HDAC4: variants seen among roughly 807,000 people sequenced by gnomAD.
HDAC4 encodes the protein histone deacetylase A.
HDAC4 carries 16 observed loss-of-function variants against 135.1 expected under a neutral mutation model. That is an observed-to-expected ratio of 0.12 (90% CI 0.08 to 0.18). HDAC4 has a LOEUF of 0.18. Ranked by LOEUF, HDAC4 falls within the 10% of genes least tolerant of loss-of-function variation. The pLI, the probability that HDAC4 is intolerant of heterozygous loss-of-function variation, is 1.00. For synonymous variants in HDAC4, 685 were observed against 653.4 expected, an observed-to-expected ratio of 1.05 and a Z score of -0.74; for missense variants, 1,143 against 1,511.8, an observed-to-expected ratio of 0.76 and a Z score of 4.05.
At chr2:239,186,437 T>C (rs577844358) in intron 4 of HDAC4, 2 of 152,362 alleles carry the variant, frequency 1.3e-5, no homozygotes, top group South Asian at 2.1e-4. Flanking sequence ...CCTAATGTAA[T>C]GAAACCACTA....
intron 3 of HDAC4, among the ~76,000 whole-genome samples, chr2:239,211,083 C>T (rs972141211): frequency 2.0e-5 from 3 of 152,016 alleles, no homozygotes; most frequent in African/African-American, 7.3e-5. Flanking sequence ...CGTTACAATA[C>T]CTGCAGATCA....
intron 6 of HDAC4, among the ~76,000 whole-genome samples, chr2:239,163,377 G>A (rs918637798): frequency 2.0e-5 from 3 of 152,202 alleles, no homozygotes; most frequent in Admixed American, 6.5e-5. Flanking sequence ...AGCCTCCGGA[G>A]CACTGCTCGG....
At chr2:239,332,702 C>A (rs1446849726) in intron 2 of HDAC4, among the ~76,000 whole-genome samples, 1 of 150,690 alleles carries the variant, frequency 6.6e-6, no homozygotes, top group African/African-American at 2.4e-5. Context: ...CAAATTAAAT[C>A]CCAAAAACAA....
At chr2:239,110,626 G>A (rs1353741343) in intron 14 of HDAC4, among the ~76,000 whole-genome samples, 2 of 152,252 alleles carry the variant, frequency 1.3e-5, no homozygotes, top group Non-Finnish European at 2.9e-5. Context: ...GAACCTCGCA[G>A]ACTGCAGAAC....
intron 19 of HDAC4, 40 bp from the exon 20 acceptor site, chr2:239,084,282 G>C (rs1438696788): frequency 1.4e-6 from 2 of 1,477,864 alleles, no homozygotes; most frequent in Non-Finnish European, 1.9e-6. Flanking sequence ...AGCGCAGGTG[G>C]GCGGTGGCCA....
intron 2 of HDAC4, chr2:239,351,863 T>C (rs997693315): frequency 6.5e-6 from 1 of 154,038 alleles, no homozygotes; most frequent in Non-Finnish European, 1.5e-5. Context: ...CAGAAGTCGA[T>C]GGCTAAGTGC....
intron 1 of HDAC4, among the ~76,000 whole-genome samples, chr2:239,367,666 A>G (rs13385810): frequency 0.08 from 12,189 of 152,232 alleles, 1,128 homozygotes; most frequent in African/African-American, 0.22. Flanking sequence ...TTACCTTCAC[A>G]TTATATGTAT....
chr2:239,261,923 C>T (rs924009680), intron 2 of HDAC4, among the ~76,000 whole-genome samples: 3 of 152,214 alleles, frequency 2.0e-5, no homozygotes, highest in Admixed American at 6.5e-5. Flanking sequence ...AAGCCTATGT[C>T]GGAGGGTCCT....
intron 1 of HDAC4, among the ~76,000 whole-genome samples, chr2:239,370,750 G>A (rs1317579377): frequency 1.3e-5 from 2 of 152,220 alleles, no homozygotes; most frequent in African/African-American, 2.4e-5. Flanking sequence ...AGCTGGTTGA[G>A]CACCCACTGG....
intron 4 of HDAC4, among the ~76,000 whole-genome samples, chr2:239,179,838 A>G (rs2044027775): frequency 6.6e-6 from 1 of 152,272 alleles, no homozygotes; most frequent in Admixed American, 6.5e-5. Flanking sequence ...AGGCGGCACA[A>G]GCCTTCTGCT....
intron 2 of HDAC4, among the ~76,000 whole-genome samples, chr2:239,271,329 T>C (rs921092741): frequency 6.6e-6 from 1 of 152,238 alleles, no homozygotes; most frequent in Non-Finnish European, 1.5e-5. Flanking sequence ...TTTTGCCATG[T>C]TGCCCAGACT....
intron 7 of HDAC4, among the ~76,000 whole-genome samples, chr2:239,151,116 AAC>A (rs1424917093): frequency 6.6e-6 from 1 of 152,252 alleles, no homozygotes; most frequent in African/African-American, 2.4e-5. Flanking sequence ...GAGGGTGGAA[AAC>A]ACACTCTGTC....
chr2:239,227,299 G>A (rs985874570), intron 3 of HDAC4, among the ~76,000 whole-genome samples: 4 of 152,144 alleles, frequency 2.6e-5, no homozygotes, highest in Admixed American at 6.5e-5. Context: ...TGAAAACTGC[G>A]GACCAGTGGA....
At chr2:239,171,638 C>T (rs888969867) in intron 5 of HDAC4, among the ~76,000 whole-genome samples, 2 of 152,086 alleles carry the variant, frequency 1.3e-5, no homozygotes, top group African/African-American at 2.4e-5. Context: ...CAGTATAAAA[C>T]AACAGATTTA....
chr2:239,076,651 G>A (rs531964127), intron 22 of HDAC4, among the ~76,000 whole-genome samples: 7 of 152,250 alleles, frequency 4.6e-5, no homozygotes, highest in Middle Eastern at 3.4e-3. Context: ...GGGCTGGCAC[G>A]CCATGCTTGA....
rs962656190 is a variant in HDAC4 at position 239,167,960 on chromosome 2, G to C, written c.491-4037C>G. Among the ~76,000 whole-genome samples the C allele has an allele frequency of 6.6e-6, 1 of 151,844 alleles. No individual in the cohort carries two copies. Among genetic ancestry groups the C allele is most frequent in the Non-Finnish European group, 1.5e-5 (1 of 67,950 alleles). ...GGAGGACAGCAGCTCTGGGTGGGGC[G>C]GGGCGGGGCAGGTGGGGAGGGACGG... On this transcript the variant is annotated intron_variant, in intron 5 of 26. Coordinates refer to ENST00000543185, the MANE Select transcript of HDAC4 (RefSeq NM_001378414.1). The surrounding 1 kb of genome is among the most constrained non-coding windows in gnomAD (Gnocchi z 4.1).
intron 3 of HDAC4, among the ~76,000 whole-genome samples, chr2:239,200,106 C>G (rs1200831906): frequency 6.6e-6 from 1 of 152,246 alleles, no homozygotes; most frequent in Non-Finnish European, 1.5e-5. Context: ...AGACCACAGT[C>G]TGGAGACTGG....
chr2:239,258,707 T>G (rs62182096), intron 2 of HDAC4, among the ~76,000 whole-genome samples: 17,219 of 152,154 alleles, frequency 0.11, 1,108 homozygotes, highest in Non-Finnish European at 0.14. Flanking sequence ...TTTACACGTG[T>G]GGATATATGG....
At chr2:239,091,167 A>T (rs921297895) in intron 17 of HDAC4, 1 of 152,282 alleles carries the variant, frequency 6.6e-6, no homozygotes, top group Non-Finnish European at 1.5e-5. Context: ...AATTTCTTAC[A>T]GCCCTGGCTC....
Sources: allele counts gnomAD v4.1 joint callset (sites outside exome capture counted in the v4.1 genomes callset), GRCh38; gene constraint gnomAD v4.1.1; non-coding constraint Gnocchi (gnomAD v3.1); transcripts MANE v1.5; gene names NCBI Gene and HGNC (gene_info 2026-07-23, HGNC 2026-07-21).